The following MYRFL variants were observed in gnomAD, a reference collection of about 807,000 sequenced individuals.
The protein encoded by MYRFL is myelin regulatory factor like.
MYRFL carries 88 observed loss-of-function variants against 109.4 expected under a neutral mutation model. The observed-to-expected ratio is 0.80, with a 90% CI of 0.68 to 0.96. The LOEUF (loss-of-function observed/expected upper bound fraction) is 0.96. Among genes scored for constraint, MYRFL ranks in the 40% least tolerant of loss-of-function variants. The pLI, the probability that MYRFL is intolerant of heterozygous loss-of-function variation, is 0.00. For missense variants in MYRFL, 957 were observed against 954.9 expected (o/e 1.00, Z -0.03); for synonymous variants, 324 against 320.9 (o/e 1.01, Z -0.10).
chr12:69,865,086 C>T lies in MYRFL; in HGVS notation c.137+9716C>T, dbSNP rs140767821. ...GAAATGTGTGATACCATTCCTTGTC[C>T]ATCATAATGGTCACAACCAACACTC... On this transcript the variant is annotated intron_variant, in intron 2 of 24. Transcript: ENST00000552032. Among the ~76,000 whole-genome samples, 402 of 152,266 alleles carry T rather than the reference C, an allele frequency of 2.6e-3. 4 individuals carry two copies. Among genetic ancestry groups the T allele is most frequent in the African/African-American group, 9.4e-3 (389 of 41,548 alleles).
chr12:69,900,677 C>G (rs1376072938), intron 10 of MYRFL, among the ~76,000 whole-genome samples: 1 of 152,198 alleles, frequency 6.6e-6, no homozygotes, highest in Non-Finnish European at 1.5e-5. Context: ...AGGTCAAGCT[C>G]TTCTATTAGT....
intron 11 of MYRFL, among the ~76,000 whole-genome samples, chr12:69,908,979 C>T (rs1002456340): frequency 4.6e-5 from 7 of 152,098 alleles, no homozygotes; most frequent in African/African-American, 1.7e-4. Flanking sequence ...GTGTTCTCAT[C>T]ATTTAGCCCT....
At chr12:69,915,753 G>C (rs1272255263) in intron 13 of MYRFL, among the ~76,000 whole-genome samples, 1 of 152,106 alleles carries the variant, frequency 6.6e-6, no homozygotes, top group Non-Finnish European at 1.5e-5. Context: ...CCTGTAGGCT[G>C]TAGACACCTG....
intron 13 of MYRFL, among the ~76,000 whole-genome samples, chr12:69,913,368 A>T (rs1205526752): frequency 6.6e-6 from 1 of 152,210 alleles, no homozygotes; most frequent in Non-Finnish European, 1.5e-5. Flanking sequence ...TATCCAGGAA[A>T]TCATTGCCAA....
chr12:69,926,486 C>T, intron 13 of MYRFL, 85 bp from the exon 14 acceptor site: 1 of 1,138,698 alleles, frequency 8.8e-7, no homozygotes, highest in Admixed American at 3.5e-5. Flanking sequence ...CAGTATAATC[C>T]AGCTGTCTTT....
At chr12:69,861,383 G>A (rs568026926) in intron 2 of MYRFL, among the ~76,000 whole-genome samples, 1,828 of 152,010 alleles carry the variant, frequency 0.012, 38 homozygotes, top group African/African-American at 0.04. Context: ...AAGTGTTCCT[G>A]TTTCTCCACA....
intron 5 of MYRFL, among the ~76,000 whole-genome samples, chr12:69,881,069 G>A (rs1034786170): frequency 2.5e-4 from 37 of 148,198 alleles, no homozygotes; most frequent in African/African-American, 8.0e-4. Context: ...AATTTTCAGA[G>A]TAAATGCTAT....
At chr12:69,863,078 C>CCTTGG in intron 2 of MYRFL, among the ~76,000 whole-genome samples, 1 of 151,788 alleles carries the variant, frequency 6.6e-6, no homozygotes, top group African/African-American at 2.4e-5. Context: ...ATTGAACCAG[C>CCTTGG]CTTGCATCCC....
At chr12:69,885,546 CCACT>C (rs1886396300) in intron 5 of MYRFL, among the ~76,000 whole-genome samples, 1 of 152,104 alleles carries the variant, frequency 6.6e-6, no homozygotes, top group African/African-American at 2.4e-5. Flanking sequence ...TCACAAACAC[CCACT>C]ATTTCCCATT....
intron 13 of MYRFL, among the ~76,000 whole-genome samples, chr12:69,923,161 G>A (rs1954963760): frequency 6.6e-6 from 1 of 151,934 alleles, no homozygotes; most frequent in Admixed American, 6.6e-5. Context: ...TCTATCTTTG[G>A]CCAATGAGAG....
intron 13 of MYRFL, among the ~76,000 whole-genome samples, chr12:69,914,289 A>AAAACTTT (rs1350838217): frequency 6.6e-6 from 1 of 152,176 alleles, no homozygotes; most frequent in Non-Finnish European, 1.5e-5. Flanking sequence ...AAATTATTAG[A>AAAACTTT]AAACTTTAGT....
At chr12:69,945,971 A>C (rs1256218222) in intron 19 of MYRFL, among the ~76,000 whole-genome samples, 1 of 113,122 alleles carries the variant, frequency 8.8e-6, no homozygotes, top group Non-Finnish European at 1.7e-5. Context: ...TGGGCGACAG[A>C]GCGAGACTCC....
At chr12:69,841,375 A>T (rs1449882814) in intron 1 of MYRFL, among the ~76,000 whole-genome samples, 6 of 152,226 alleles carry the variant, frequency 3.9e-5, no homozygotes, top group Non-Finnish European at 5.9e-5. Context: ...AGCCACATAC[A>T]GTGATGTGGT....
At chr12:69,868,227 C>T (rs1885125997) in intron 2 of MYRFL, among the ~76,000 whole-genome samples, 1 of 152,014 alleles carries the variant, frequency 6.6e-6, no homozygotes, top group African/African-American at 2.4e-5. Context: ...CTGCCTCAGC[C>T]TCCCGAGTAG....
intron 19 of MYRFL, among the ~76,000 whole-genome samples, chr12:69,946,014 A>AAT (rs1955829299): frequency 7.0e-6 from 1 of 142,726 alleles, no homozygotes; most frequent in Admixed American, 7.0e-5. Flanking sequence ...AAAAAAAAAA[A>AAT]TTATAGAAAC....
intron 13 of MYRFL, among the ~76,000 whole-genome samples, chr12:69,924,597 G>T (rs1278662008): frequency 6.6e-6 from 1 of 152,128 alleles, no homozygotes; most frequent in East Asian, 1.9e-4. Context: ...AGAAGTGGGT[G>T]TACTGGCTCA....
At chr12:69,826,298 A>G (rs550882026) in intron 1 of MYRFL, among the ~76,000 whole-genome samples, 1 of 152,200 alleles carries the variant, frequency 6.6e-6, no homozygotes, top group South Asian at 2.1e-4. Context: ...CATCCATCCC[A>G]TTGAGTGTTC....
chr12:69,935,856 G>A (rs1955436514), intron 16 of MYRFL: 2 of 468,006 alleles, frequency 4.3e-6, no homozygotes, highest in South Asian at 8.8e-5. Context: ...CCAGGGCTGG[G>A]GGGCTGCTCT....
At position 69,958,240 on chromosome 12, in the gene MYRFL, A is replaced by G; in HGVS notation, c.2572-9A>G. 2 of 1,530,656 alleles carry G rather than the reference A, an allele frequency of 1.3e-6. No individual in the cohort carries two copies. Among genetic ancestry groups the G allele is most frequent in the East Asian group, 2.4e-5 (1 of 40,892 alleles). 94.8% of individuals were successfully genotyped at this position (1,530,656 alleles called of 1,614,324 possible). ...GTACGAAATGGATCCTCTTTTATTCACTATTTAGGGATATCAGCACATTTG... is the reference window on the plus strand; with the variant it reads ...GTACGAAATGGATCCTCTTTTATTCGCTATTTAGGGATATCAGCACATTTG... On this transcript the variant is annotated splice_polypyrimidine_tract_variant and intron_variant, in intron 23 of 24. Coordinates refer to ENST00000552032, the MANE Select transcript of MYRFL (RefSeq NM_182530.3).
Sources: gnomAD v4.1 joint callset for allele counts (sites outside exome capture counted in the v4.1 genomes callset) on GRCh38, gnomAD v4.1.1 for gene constraint, MANE v1.5 for transcripts, NCBI Gene and HGNC (gene_info 2026-07-23, HGNC 2026-07-21) for gene names.